The following AK7 variants were observed in gnomAD, a reference collection of about 807,000 sequenced individuals.
AK7 encodes the protein adenylate kinase 7, also known as ATP-AMP transphosphorylase 7.
A neutral mutation model predicts 96.6 loss-of-function variants in AK7; 78 were observed. The observed-to-expected ratio is 0.81, with a 90% confidence interval of 0.67 to 0.97. AK7 has a LOEUF of 0.97. Among genes scored for constraint, AK7 ranks in the 50% least tolerant of loss-of-function variants. AK7 has a pLI of 0.00. For synonymous variants in AK7, 302 were observed against 317.2 expected (o/e 0.95, Z 0.51); for missense variants, 855 against 887.9 (o/e 0.96, Z 0.47).
chr14:96,421,993 G>A (rs933734432), intron 5 of AK7, among the ~76,000 whole-genome samples: 7 of 152,200 alleles, frequency 4.6e-5, no homozygotes, highest in African/African-American at 1.4e-4. Context: ...GGCAGGTTGA[G>A]AAATAATAGA....
intron 16 of AK7, among the ~76,000 whole-genome samples, chr14:96,486,534 G>A (rs1003231358): frequency 6.6e-6 from 1 of 152,022 alleles, no homozygotes; most frequent in African/African-American, 2.4e-5. Context: ...TTTCTCAAAA[G>A]AAATTTGGAA....
intron 7 of AK7, among the ~76,000 whole-genome samples, chr14:96,443,392 T>C (rs1239244491): frequency 2.0e-5 from 3 of 152,166 alleles, no homozygotes; most frequent in African/African-American, 7.2e-5. Context: ...AGCTCCAGCT[T>C]CCGGGGACTT....
chr14:96,443,459 AGGTTCT>A (rs1893064349), intron 7 of AK7, among the ~76,000 whole-genome samples: 2 of 152,094 alleles, frequency 1.3e-5, no homozygotes, highest in Non-Finnish European at 2.9e-5. Flanking sequence ...CACTTCCCTG[AGGTTCT>A]GGTTTTCAGA....
chr14:96,435,258 C>T (rs551612794), intron 5 of AK7, among the ~76,000 whole-genome samples: 1 of 152,284 alleles, frequency 6.6e-6, no homozygotes, highest in East Asian at 1.9e-4. Flanking sequence ...AACATAGTAC[C>T]TGGGTATCAC....
At chr14:96,449,955 A>G in intron 9 of AK7, 76 bp downstream of exon 9, 1 of 1,205,384 alleles carries the variant, frequency 8.3e-7, no homozygotes, top group Non-Finnish European at 1.2e-6. Context: ...TTTTAATATC[A>G]GATAGGTTTT....
chr14:96,435,647 A>G (rs1028161489), intron 5 of AK7, among the ~76,000 whole-genome samples: 15 of 151,974 alleles, frequency 9.9e-5, no homozygotes, highest in Admixed American at 9.8e-4. Context: ...TTGTCTTTCA[A>G]GTTTGCTTGG....
intron 4 of AK7, among the ~76,000 whole-genome samples, chr14:96,412,483 C>T (rs974680266): frequency 1.3e-5 from 2 of 151,840 alleles, no homozygotes; most frequent in Non-Finnish European, 2.9e-5. Context: ...CCGCCTCCGC[C>T]TCCCAAAGTG....
At chr14:96,410,932 T>C (rs1292513135) in intron 4 of AK7, among the ~76,000 whole-genome samples, 1 of 150,586 alleles carries the variant, frequency 6.6e-6, no homozygotes, top group Admixed American at 6.6e-5. Context: ...GCTGGGGAGG[T>C]CTAACCTGCA....
At chr14:96,430,670 A>G (rs1382863186) in intron 5 of AK7, among the ~76,000 whole-genome samples, 1 of 152,072 alleles carries the variant, frequency 6.6e-6, no homozygotes, top group East Asian at 1.9e-4. Context: ...GTGCTGCTGG[A>G]TTTGGTTTGC....
At chr14:96,485,374 T>C (rs976166674) in intron 16 of AK7, among the ~76,000 whole-genome samples, 1 of 152,204 alleles carries the variant, frequency 6.6e-6, no homozygotes, top group Non-Finnish European at 1.5e-5. Context: ...CGGCTCCAGT[T>C]GGCCTCCCAA....
At chr14:96,445,238 A>G (rs966564092) in intron 7 of AK7, among the ~76,000 whole-genome samples, 2 of 152,226 alleles carry the variant, frequency 1.3e-5, no homozygotes, top group Non-Finnish European at 2.9e-5. Context: ...GAAATCTTTA[A>G]CTAGATTTGT....
At chr14:96,397,991 A>C in intron 1 of AK7, 84 bp from the exon 2 acceptor site, 1 of 1,404,688 alleles carries the variant, frequency 7.1e-7, no homozygotes, top group Non-Finnish European at 9.8e-7. Context: ...GCACTCGGGA[A>C]AGGTAAGTTT....
intron 6 of AK7, among the ~76,000 whole-genome samples, chr14:96,439,709 G>A (rs1014275320): frequency 1.3e-5 from 2 of 150,772 alleles, no homozygotes; most frequent in African/African-American, 4.9e-5. Context: ...ATGACAAATT[G>A]TGTCAGATAC....
intron 2 of AK7, among the ~76,000 whole-genome samples, chr14:96,403,185 A>G (rs370362631): frequency 2.3e-4 from 35 of 152,218 alleles, no homozygotes; most frequent in South Asian, 1.5e-3. Context: ...TTATCATCCA[A>G]TATGACCAGT....
chr14:96,478,731 G>A (rs1895334940), intron 15 of AK7, 69 bp downstream of exon 15: 1 of 1,489,332 alleles, frequency 6.7e-7, no homozygotes, highest in Non-Finnish European at 9.2e-7. Context: ...AGGTCTAGCT[G>A]TAATTGTGGG....
intron 5 of AK7, among the ~76,000 whole-genome samples, chr14:96,423,231 G>C (rs894850256): frequency 6.6e-6 from 1 of 152,180 alleles, no homozygotes; most frequent in Admixed American, 6.5e-5. Context: ...GCCTCATTGC[G>C]AGCCTCTGGT....
intron 8 of AK7, 119 bp from the exon 9 acceptor site, chr14:96,449,683 C>T (rs1191339035): frequency 7.4e-6 from 5 of 677,696 alleles, no homozygotes; most frequent in Non-Finnish European, 7.7e-6. Flanking sequence ...ATCCGCCCAC[C>T]TTGGCCTCCC....
rs1890184197 is a variant in AK7, at chr14:96,398,141, GAA to G, written c.175_176del (p.Asn59Ter). 1 of 1,614,162 alleles carries G rather than the reference GAA, an allele frequency of 6.2e-7. No homozygotes were observed. Among genetic ancestry groups the G allele is most frequent in the East Asian group, 2.2e-5 (1 of 44,888 alleles). On this transcript the variant is annotated frameshift_variant, in exon 2 of 18. Coordinates refer to ENST00000267584, the MANE Select transcript of AK7 (RefSeq NM_152327.5). LOFTEE classifies it high-confidence loss of function. ...TACAGAGGAAGAGGAAGAGGAAGATGAAAATAAGTCAGCTATGCTGGAAGCTT... is the reference window on the plus strand; with the variant it reads ...TACAGAGGAAGAGGAAGAGGAAGATGAATAAGTCAGCTATGCTGGAAGCTT... ...EITEEEEEED[E>X]NKSAMLEASS...
At position 96,404,758 on chromosome 14, in the gene AK7, C is replaced by T; in HGVS notation, c.296C>T (p.Ala99Val). 1 of 1,590,986 alleles carries T rather than the reference C, an allele frequency of 6.3e-7. No individual in the cohort carries two copies. Among genetic ancestry groups the T allele is most frequent in the Non-Finnish European group, 8.6e-7 (1 of 1,161,370 alleles). Residue 99 changes from alanine to valine, a missense_variant and splice_region_variant, in exon 3 of 18, where the codon GCC (alanine) becomes GTC (valine). By Grantham distance (64) the Ala-to-Val change is moderately conservative. Transcript: ENST00000267584. ...RPDFAVETYS[A>V]ISREDLLMRL... ...ATGGCTGTCAATTTTCTTTTTCAGG[C>T]CATCTCTCGAGAAGACCTTCTCATG...
Sources: gnomAD v4.1 joint callset for allele counts (sites outside exome capture counted in the v4.1 genomes callset) on GRCh38, gnomAD v4.1.1 for gene constraint, MANE v1.5 for transcripts, NCBI Gene and HGNC (gene_info 2026-07-23, HGNC 2026-07-21) for gene names.